CCDC91: variants seen among roughly 807,000 people sequenced by gnomAD.
The protein encoded by CCDC91 is coiled-coil domain-containing protein 91.
CCDC91 carries 48 observed loss-of-function variants against 63.2 expected under a neutral mutation model. That is an observed-to-expected ratio of 0.76 (90% confidence interval 0.60 to 0.97). CCDC91 has a LOEUF of 0.97. Ranked by LOEUF, CCDC91 falls within the 50% of genes least tolerant of loss-of-function variation. The probability of loss-of-function intolerance (pLI) is 0.00; values close to 1 mark genes in which losing one functional copy is unlikely to be tolerated. For missense variants in CCDC91, 500 were observed against 494.6 expected (o/e 1.01, Z -0.10); for synonymous variants, 167 against 165.8 (o/e 1.01, Z -0.06).
intron 8 of CCDC91, among the ~76,000 whole-genome samples, chr12:28,449,573 A>C (rs2140321316): frequency 1.3e-5 from 2 of 152,142 alleles, no homozygotes; most frequent in South Asian, 4.1e-4. Context: ...AGCACATCAA[A>C]ATAAAAATAG....
chr12:28,211,319 C>T (rs1943218203), intron 1 of CCDC91, among the ~76,000 whole-genome samples: 1 of 151,918 alleles, frequency 6.6e-6, no homozygotes, highest in South Asian at 2.1e-4. Flanking sequence ...CTCACCGCAC[C>T]ATAACCCTGA....
chr12:28,270,384 T>C (rs1041473459), intron 3 of CCDC91, among the ~76,000 whole-genome samples: 6 of 152,140 alleles, frequency 3.9e-5, no homozygotes, highest in Non-Finnish European at 8.8e-5. Flanking sequence ...TCTGAGGCCA[T>C]AGAAAAGTGG....
intron 3 of CCDC91, among the ~76,000 whole-genome samples, chr12:28,262,886 G>A (rs1946916098): frequency 6.6e-6 from 1 of 151,480 alleles, no homozygotes; most frequent in African/African-American, 2.4e-5. Flanking sequence ...CTTTATTTTA[G>A]TGAAAGCTAC....
At chr12:28,275,232 TAAAG>T (rs996101437) in intron 3 of CCDC91, among the ~76,000 whole-genome samples, 5 of 151,370 alleles carry the variant, frequency 3.3e-5, no homozygotes, top group African/African-American at 1.2e-4. Context: ...GCAAGACTAA[TAAAG>T]AAGAAAAGAG....
intron 7 of CCDC91, among the ~76,000 whole-genome samples, chr12:28,385,973 T>G (rs919735612): frequency 1.3e-5 from 2 of 152,206 alleles, no homozygotes; most frequent in Non-Finnish European, 2.9e-5. Context: ...ATACCTTTGT[T>G]TTCTATGAGT....
intron 6 of CCDC91, among the ~76,000 whole-genome samples, chr12:28,330,848 G>GTATT (rs936557824): frequency 3.3e-5 from 5 of 152,088 alleles, no homozygotes; most frequent in Non-Finnish European, 7.4e-5. Context: ...TGGGTTATAG[G>GTATT]TATTTAACTG....
At chr12:28,222,192 G>T (rs1480682147) in intron 1 of CCDC91, among the ~76,000 whole-genome samples, 4 of 151,814 alleles carry the variant, frequency 2.6e-5, no homozygotes, top group Non-Finnish European at 5.9e-5. Context: ...TTTCCACTTT[G>T]GTTGGAAGTT....
chr12:28,252,838 A>G (rs1217579905), intron 1 of CCDC91, among the ~76,000 whole-genome samples: 2 of 152,190 alleles, frequency 1.3e-5, no homozygotes, highest in Admixed American at 1.3e-4. Context: ...AGGCACTAAT[A>G]AAGTAGCAAA....
intron 12 of CCDC91, among the ~76,000 whole-genome samples, chr12:28,500,817 G>A (rs1184576629): frequency 2.0e-5 from 3 of 151,650 alleles, no homozygotes; most frequent in African/African-American, 4.8e-5. Context: ...CACTTGGAAT[G>A]TTCCCTGCCC....
intron 6 of CCDC91, among the ~76,000 whole-genome samples, chr12:28,339,537 A>G (rs1035849938): frequency 3.3e-5 from 5 of 152,036 alleles, no homozygotes; most frequent in African/African-American, 1.2e-4. Context: ...GGGAAAAAAA[A>G]AACAATAAAA....
chr12:28,420,545 C>G (rs890980210), intron 8 of CCDC91, among the ~76,000 whole-genome samples: 1 of 152,106 alleles, frequency 6.6e-6, no homozygotes, highest in African/African-American at 2.4e-5. Context: ...AGTCCTTACC[C>G]TCAAGGTTTG....
In CCDC91 at chr12:28,478,851, C is replaced by T. The variant is rs186140952; in HGVS notation, c.1102-5201C>T. The stretch of plus-strand genomic sequence containing the variant: ...ATAAGGCATTTATGCAGCCAACAGA[C>T]GCATGAAAAAATGCTCATCATCACT... On this transcript the variant is annotated intron_variant, in intron 11 of 12. Coordinates refer to ENST00000536442, the MANE Select transcript of CCDC91 (RefSeq NM_018318.5). 1.2e-3 allele frequency among the ~76,000 whole-genome samples: 179 copies of T among 152,216 alleles called. 1 individual carries two copies. Among genetic ancestry groups the T allele is most frequent in the East Asian group, 6.4e-3 (33 of 5,186 alleles).
chr12:28,416,836 G>A (rs921917807), intron 8 of CCDC91, among the ~76,000 whole-genome samples: 8 of 151,990 alleles, frequency 5.3e-5, no homozygotes, highest in African/African-American at 1.9e-4. Context: ...GACAACTATA[G>A]CAATGGTTAT....
chr12:28,479,946 A>G (rs1951353889), intron 11 of CCDC91, among the ~76,000 whole-genome samples: 2 of 152,012 alleles, frequency 1.3e-5, no homozygotes, highest in Non-Finnish European at 2.9e-5. Context: ...TGTAAAGACT[A>G]TATAAATGGC....
chr12:28,193,050 A>T (rs571509287), intron 1 of CCDC91, among the ~76,000 whole-genome samples: 1 of 152,288 alleles, frequency 6.6e-6, no homozygotes, highest in Non-Finnish European at 1.5e-5. Context: ...TGATTCATCC[A>T]TGTTGATGCA....
intron 12 of CCDC91, among the ~76,000 whole-genome samples, chr12:28,524,915 TAG>T (rs1941122631): frequency 1.3e-5 from 2 of 152,204 alleles, no homozygotes; most frequent in Admixed American, 1.3e-4. Flanking sequence ...GAATGATGTT[TAG>T]TATTTCTGTG....
intron 12 of CCDC91, among the ~76,000 whole-genome samples, chr12:28,488,200 G>A (rs963209728): frequency 1.2e-4 from 18 of 151,712 alleles, no homozygotes; most frequent in African/African-American, 4.4e-4. Flanking sequence ...ATTTTTATGT[G>A]TGAAATCAAT....
At chr12:28,195,124 T>C (rs1253416295) in intron 1 of CCDC91, among the ~76,000 whole-genome samples, 3 of 152,140 alleles carry the variant, frequency 2.0e-5, no homozygotes, top group Non-Finnish European at 4.4e-5. Flanking sequence ...GAGAGCTGAT[T>C]GGTCCATTTT....
At chr12:28,193,179 G>A (rs11049420) in intron 1 of CCDC91, among the ~76,000 whole-genome samples, 41,990 of 152,116 alleles carry the variant, frequency 0.28, 6,042 homozygotes, top group Non-Finnish European at 0.31. Flanking sequence ...TGAAGGTACT[G>A]TAAACATTCA....
Sources: allele counts gnomAD v4.1 joint callset (sites outside exome capture counted in the v4.1 genomes callset), GRCh38; gene constraint gnomAD v4.1.1; transcripts MANE v1.5; gene names NCBI Gene and HGNC (gene_info 2026-07-23, HGNC 2026-07-21).